ADI1: variants seen among roughly 807,000 people sequenced by gnomAD.
The protein encoded by ADI1 is acireductone dioxygenase 1.
A neutral mutation model predicts 18.7 loss-of-function variants in ADI1; 21 were observed. The observed-to-expected ratio is 1.13, with a 90% CI of 0.80 to 1.62. The LOEUF (loss-of-function observed/expected upper bound fraction) is 1.62. Among genes scored for constraint, ADI1 ranks in the 40% most tolerant of loss-of-function variants. ADI1 has a pLI of 0.00. For missense variants in ADI1, 245 were observed against 254.9 expected (o/e 0.96, Z 0.26); for synonymous variants, 90 against 100.1 (o/e 0.90, Z 0.60).
chr2:3,513,547 GCTCT>G (rs1188613042), intron 2 of ADI1, among the ~76,000 whole-genome samples: 1 of 152,132 alleles, frequency 6.6e-6, no homozygotes, highest in African/African-American at 2.4e-5. Context: ...GTGGCACCTT[GCTCT>G]CTCTTTCATT....
rs1223006219 is a variant in ADI1, at chr2:3,498,159, GC to G, written c.*803del. The G allele has an allele frequency of 2.6e-5, 4 of 152,238 alleles. No homozygotes were observed. Among genetic ancestry groups the G allele is most frequent in the African/African-American group, 9.6e-5 (4 of 41,538 alleles). 9.4% of individuals were successfully genotyped at this position (152,238 alleles called of 1,614,324 possible). A position where few individuals can be genotyped will look rare whatever the true frequency, so the allele number is the denominator to read the frequency against. ...AAAAGAAATACTTTAAAAACGACCTGCCCTTCCAAAACATGAAGTTAACTTG... is the reference window on the plus strand; with the variant it reads ...AAAAGAAATACTTTAAAAACGACCTGCCTTCCAAAACATGAAGTTAACTTG... On this transcript the variant is annotated 3_prime_UTR_variant, in exon 4 of 4. Coordinates refer to ENST00000327435, the MANE Select transcript of ADI1 (RefSeq NM_018269.4).
At chr2:3,504,601 A>G (rs1667130381) in intron 2 of ADI1, among the ~76,000 whole-genome samples, 1 of 152,222 alleles carries the variant, frequency 6.6e-6, no homozygotes, top group African/African-American at 2.4e-5. Flanking sequence ...CGACAGATCT[A>G]TTTTTGAACA....
chr2:3,509,974 T>C (rs895328786), intron 2 of ADI1, among the ~76,000 whole-genome samples: 5 of 151,940 alleles, frequency 3.3e-5, no homozygotes, highest in African/African-American at 1.2e-4. Flanking sequence ...AGAAACCCCG[T>C]ATCTACTAAA....
At chr2:3,509,367 A>G (rs1667245800) in intron 2 of ADI1, among the ~76,000 whole-genome samples, 1 of 152,230 alleles carries the variant, frequency 6.6e-6, no homozygotes, top group Non-Finnish European at 1.5e-5. Context: ...ACAACAATGG[A>G]ATACCCATTC....
At chr2:3,504,915 G>C (rs781191227) in intron 2 of ADI1, among the ~76,000 whole-genome samples, 3 of 150,966 alleles carry the variant, frequency 2.0e-5, no homozygotes, top group Non-Finnish European at 4.4e-5. Context: ...GTTCACCTGA[G>C]TATGTTTGCA....
chr2:3,516,353 A>T (rs745349061), intron 1 of ADI1: 1 of 152,310 alleles, frequency 6.6e-6, no homozygotes, highest in Non-Finnish European at 1.5e-5. Flanking sequence ...ATGGTGGTCC[A>T]CGCCTGTGAT....
chr2:3,512,711 G>A (rs1667317182), intron 2 of ADI1, among the ~76,000 whole-genome samples: 1 of 152,232 alleles, frequency 6.6e-6, no homozygotes, highest in African/African-American at 2.4e-5. Flanking sequence ...AACCCTCATG[G>A]AGAACCTCTA....
At chr2:3,517,520 C>T (rs1178394235) in intron 1 of ADI1, 1 of 152,186 alleles carries the variant, frequency 6.6e-6, no homozygotes, top group Non-Finnish European at 1.5e-5. Context: ...AATGCCAGCA[C>T]TTTGGGAGGC....
At chr2:3,500,638 T>A (rs1238539240) in intron 3 of ADI1, 176 bp downstream of exon 3, 1 of 816,300 alleles carries the variant, frequency 1.2e-6, no homozygotes, top group East Asian at 2.7e-5. Flanking sequence ...GAAGGACAGC[T>A]GTCACCTCGG....
In ADI1 at chr2:3,497,662, G is replaced by A. The variant is rs1271111435; in HGVS notation, c.*1301C>T. 6.6e-6 allele frequency: 1 copy of A among 152,142 alleles called. No individual in the cohort carries two copies. The highest frequency in any genetic ancestry group is 1.5e-5 in the Non-Finnish European group (1 of 68,052). 9.4% of individuals were successfully genotyped at this position (152,142 alleles called of 1,614,324 possible). On this transcript the variant is annotated 3_prime_UTR_variant, in exon 4 of 4. Transcript: ENST00000327435. Reference sequence around the variant, plus strand: ...TTACAGGCATGAGCCACTGTGCCCAGGAACTTACTCTTGCCTGTAAAAATA... The same window carrying A: ...TTACAGGCATGAGCCACTGTGCCCAAGAACTTACTCTTGCCTGTAAAAATA...
rs1315645569 is a variant in ADI1, at chr2:3,497,481, A to G, written c.*1482T>C. ...ACCTTAAGTGCTTTAGCAGAATTCT[A>G]TTATATGCCTCAGCTCTTACTCTTT... On this transcript the variant is annotated 3_prime_UTR_variant, in exon 4 of 4. Coordinates refer to ENST00000327435, the MANE Select transcript of ADI1 (RefSeq NM_018269.4). 2 of 152,214 alleles carry G rather than the reference A, an allele frequency of 1.3e-5. No homozygotes were observed. Among genetic ancestry groups the G allele is most frequent in the Non-Finnish European group, 2.9e-5 (2 of 68,040 alleles). 9.4% of individuals were successfully genotyped at this position (152,214 alleles called of 1,614,324 possible).
At chr2:3,511,395 C>T (rs1201636940) in intron 2 of ADI1, among the ~76,000 whole-genome samples, 2 of 151,874 alleles carry the variant, frequency 1.3e-5, no homozygotes, top group Non-Finnish European at 2.9e-5. Context: ...TCATTTAAAA[C>T]AGTGTGGCAC....
chr2:3,500,068 GAAAA>G (rs60929236), intron 3 of ADI1, among the ~76,000 whole-genome samples: 2 of 85,910 alleles, frequency 2.3e-5, no homozygotes, highest in Admixed American at 1.2e-4. Flanking sequence ...CCATCTCAAA[GAAAA>G]AAAAAAAAAA....
intron 2 of ADI1, among the ~76,000 whole-genome samples, chr2:3,506,145 G>A (rs939785607): frequency 6.6e-6 from 1 of 152,194 alleles, no homozygotes; most frequent in Non-Finnish European, 1.5e-5. Context: ...TCTGAGAAAC[G>A]CTGGTGAAGT....
chr2:3,515,983 T>C (rs542830690), intron 1 of ADI1: 1 of 985,316 alleles, frequency 1.0e-6, no homozygotes, highest in East Asian at 1.1e-4. Context: ...CACTGCATGA[T>C]ATGCACAGTA....
chr2:3,513,512 G>T (rs1374063581), intron 2 of ADI1, among the ~76,000 whole-genome samples: 1 of 152,134 alleles, frequency 6.6e-6, no homozygotes, highest in Non-Finnish European at 1.5e-5. Flanking sequence ...GTAACTTCTT[G>T]TGAGATCTGG....
chr2:3,503,500 C>T (rs13388742), intron 2 of ADI1, among the ~76,000 whole-genome samples: 2,767 of 49,412 alleles, frequency 0.056, 1,169 homozygotes, highest in African/African-American at 0.53. Context: ...CACGTACACA[C>T]ACACGCCTAC....
At position 3,519,432 on chromosome 2, in the gene ADI1, C is replaced by A; in HGVS notation, c.56G>T (p.Arg19Leu). The change falls in exon 1 of 4, where the codon CGC becomes CTC. Residue 19 changes from arginine to leucine, a missense_variant. Physicochemically the swap from Arg to Leu is moderately radical, Grantham distance 102. Coordinates refer to ENST00000327435, the MANE Select transcript of ADI1 (RefSeq NM_018269.4). The part of the protein sequence containing the change: ...DAPGDPRQPH[R>L]PDPGRPVGLE... ...GCCCACTGGGCGGCCGGGGTCGGGGCGGTGGGGTTGCCGCGGGTCGCCCGG... is the reference window on the plus strand; with the variant it reads ...GCCCACTGGGCGGCCGGGGTCGGGGAGGTGGGGTTGCCGCGGGTCGCCCGG... The A allele has an allele frequency of 7.3e-7, 1 of 1,371,448 alleles. No individual in the cohort carries two copies. Among genetic ancestry groups the A allele is most frequent in the Non-Finnish European group, 9.4e-7 (1 of 1,069,284 alleles). The allele number at this position is 1,371,448 out of a possible 1,614,324, so 85.0% of individuals were successfully genotyped here.
At chr2:3,501,274 C>T (rs550791194) in intron 2 of ADI1, among the ~76,000 whole-genome samples, 35 of 152,344 alleles carry the variant, frequency 2.3e-4, no homozygotes, top group African/African-American at 7.2e-4. Context: ...TCACCCAACC[C>T]GCACGGCCCC....
Sources: allele counts gnomAD v4.1 joint callset (sites outside exome capture counted in the v4.1 genomes callset), GRCh38; gene constraint gnomAD v4.1.1; transcripts MANE v1.5; gene names NCBI Gene and HGNC (gene_info 2026-07-23, HGNC 2026-07-21).